Variants in BRDT observed in about 807,000 individuals in gnomAD.
The protein encoded by BRDT is bromodomain testis-specific protein.
A neutral mutation model predicts 113.9 loss-of-function variants in BRDT; 77 were observed. The observed-to-expected ratio is 0.68, with a 90% CI of 0.56 to 0.82. The LOEUF (loss-of-function observed/expected upper bound fraction) is 0.82. Among genes scored for constraint, BRDT ranks in the 40% least tolerant of loss-of-function variants. BRDT has a pLI of 0.00. For synonymous variants in BRDT, 358 were observed against 366.5 expected (o/e 0.98, Z 0.26); for missense variants, 1,027 against 1,105.4 (o/e 0.93, Z 1.01).
At chr1:91,951,513 AAG>A (rs1681080821) in intron 1 of BRDT, among the ~76,000 whole-genome samples, 1 of 152,032 alleles carries the variant, frequency 6.6e-6, no homozygotes, top group Non-Finnish European at 1.5e-5. Flanking sequence ...AAAGAAAAAA[AAG>A]GCTGGGCGCG....
chr1:91,957,492 CAAA>C (rs34516666), intron 1 of BRDT: 3 of 148,416 alleles, frequency 2.0e-5, no homozygotes, highest in Non-Finnish European at 4.5e-5. Context: ...GACTCCATCT[CAAA>C]AAAAAAAAAA....
At chr1:91,966,815 A>G (rs1683110243) in intron 3 of BRDT, among the ~76,000 whole-genome samples, 1 of 152,210 alleles carries the variant, frequency 6.6e-6, no homozygotes, top group Admixed American at 6.5e-5. Context: ...TCATGCCTGT[A>G]ATCCCAGCAC....
intron 18 of BRDT, 131 bp from the exon 19 acceptor site, chr1:92,014,075 A>C (rs1688021079): frequency 3.3e-6 from 2 of 598,410 alleles, no homozygotes; most frequent in Admixed American, 3.9e-5. Flanking sequence ...TGAGAAAATA[A>C]AAATTAAAAA....
chr1:91,996,943 A>G (rs756190365), intron 15 of BRDT, among the ~76,000 whole-genome samples: 4 of 152,216 alleles, frequency 2.6e-5, no homozygotes, highest in Non-Finnish European at 5.9e-5. Flanking sequence ...ACTTGAAGCC[A>G]TAAGAATAAA....
intron 1 of BRDT, chr1:91,952,221 A>G (rs1481848403): frequency 6.6e-6 from 1 of 152,182 alleles, no homozygotes; most frequent in African/African-American, 2.4e-5. Flanking sequence ...TCAAGTTAAG[A>G]GTCAAAAATA....
At chr1:91,994,386 G>A in intron 15 of BRDT, 132 bp downstream of exon 15, 1 of 750,064 alleles carries the variant, frequency 1.3e-6, no homozygotes, top group Non-Finnish European at 2.1e-6. Flanking sequence ...GTAAATTCCA[G>A]GTTACAAATA....
rs1456164225 is a variant in BRDT, at chr1:91,980,669, G to C, written c.1314G>C (p.Gln438His). The C allele has an allele frequency of 6.3e-7, 1 of 1,586,988 alleles. No individual in the cohort carries two copies. Among genetic ancestry groups the C allele is most frequent in the Non-Finnish European group, 8.5e-7 (1 of 1,173,606 alleles). ...TTAAAGCTGTACATCAACAGCTCCA[G>C]GTTTTGTCCCAAGTACCTTTCCGTA... is the stretch of plus-strand genomic sequence containing the variant. ...EQLKAVHQQLQVLSQVPFRKL... is the reference protein window; with the variant it reads ...EQLKAVHQQLHVLSQVPFRKL... Residue 438 changes from glutamine (Q) to histidine (H), a missense_variant, in exon 9 of 19, where the codon CAG (glutamine) becomes CAC (histidine). Gln to His is a conservative substitution (Grantham distance 24, BLOSUM62 0). Coordinates refer to ENST00000399546, the MANE Select transcript of BRDT (RefSeq NM_207189.4).
At chr1:91,965,518 A>G (rs1006266502) in intron 3 of BRDT, among the ~76,000 whole-genome samples, 2 of 152,088 alleles carry the variant, frequency 1.3e-5, no homozygotes, top group African/African-American at 2.4e-5. Flanking sequence ...AGCCAAACCA[A>G]TTGCCTACTT....
intron 6 of BRDT, 49 bp downstream of exon 6, chr1:91,977,442 T>G (rs1275750516): frequency 7.5e-7 from 1 of 1,338,268 alleles, no homozygotes. Flanking sequence ...ATTATAAAAG[T>G]AATTCATCAT....
chr1:91,964,531 C>G (rs953367374), intron 2 of BRDT, 96 bp from the exon 3 acceptor site: 10 of 743,436 alleles, frequency 1.3e-5, no homozygotes, highest in Admixed American at 3.9e-5. Flanking sequence ...GTTGCTCTCT[C>G]TAGTTGCAGG....
chr1:91,989,570 A>G (rs1262031712), intron 12 of BRDT, among the ~76,000 whole-genome samples: 2 of 151,980 alleles, frequency 1.3e-5, no homozygotes, highest in Non-Finnish European at 2.9e-5. Context: ...CTTGTTGGCC[A>G]GGCTGGTCTT....
chr1:92,014,161 C>T (rs767671486), intron 18 of BRDT, 45 bp from the exon 19 acceptor site: 44 of 1,281,988 alleles, frequency 3.4e-5, no homozygotes, highest in Non-Finnish European at 4.7e-5. Context: ...GTAGTAAAGA[C>T]ATACATTTTT....
chr1:91,987,574 G>A (rs1685370057), intron 12 of BRDT, among the ~76,000 whole-genome samples: 3 of 152,046 alleles, frequency 2.0e-5, no homozygotes, highest in Admixed American at 2.0e-4. Context: ...CTGACCTCAT[G>A]GTCTGCCCAC....
At chr1:91,975,215 G>A (rs1684017948) in intron 4 of BRDT, among the ~76,000 whole-genome samples, 1 of 151,982 alleles carries the variant, frequency 6.6e-6, no homozygotes, top group Non-Finnish European at 1.5e-5. Context: ...CACCAACATG[G>A]CACATGTATA....
intron 1 of BRDT, 138 bp from the exon 2 acceptor site, chr1:91,962,580 C>A: frequency 2.4e-6 from 1 of 417,102 alleles, no homozygotes; most frequent in East Asian, 3.8e-5. Flanking sequence ...GTGATCCACC[C>A]GCCTTGGCCT....
intron 7 of BRDT, 75 bp from the exon 8 acceptor site, chr1:91,979,494 T>G: frequency 7.1e-7 from 1 of 1,415,196 alleles, no homozygotes; most frequent in Admixed American, 2.2e-5. Flanking sequence ...TGAAATGTAC[T>G]TTTTGTTAAA....
rs548764585 is a variant in BRDT, at chr1:91,959,046, CAAAAA to C, written c.-37-3668_-37-3664del. 1.6e-4 allele frequency among the ~76,000 whole-genome samples: 24 copies of C among 150,888 alleles called. No individual in the cohort carries two copies. In the South Asian group the frequency reaches 4.2e-3, roughly 26 times the overall value. On this transcript the variant is annotated intron_variant, in intron 1 of 18. Transcript: ENST00000399546. The stretch of plus-strand genomic sequence containing the variant: ...CCTGGGAGACAGTAAGACCCTGACT[CAAAAA>C]AAAGTAGAAAATGAAACCATGAGAC...
intron 1 of BRDT, among the ~76,000 whole-genome samples, chr1:91,955,337 C>T (rs1386412127): frequency 6.6e-6 from 1 of 152,006 alleles, no homozygotes; most frequent in African/African-American, 2.4e-5. Context: ...CCCTGTAATC[C>T]CAGCTACTAG....
At chr1:91,982,645 T>C (rs1037223432) in intron 12 of BRDT, among the ~76,000 whole-genome samples, 1 of 152,180 alleles carries the variant, frequency 6.6e-6, no homozygotes, top group Non-Finnish European at 1.5e-5. Context: ...TTTTTTTCAG[T>C]GTGGTAGTAT....
Sources: allele counts gnomAD v4.1 joint callset (sites outside exome capture counted in the v4.1 genomes callset), GRCh38; gene constraint gnomAD v4.1.1; transcripts MANE v1.5; gene names NCBI Gene and HGNC (gene_info 2026-07-23, HGNC 2026-07-21).